The following TPD52 variants were observed in gnomAD, a reference collection of about 807,000 sequenced individuals.
TPD52 encodes prostate and colon associated protein.
Under a neutral mutation model 31.3 loss-of-function variants are expected in TPD52, and 17 were observed. That is an observed-to-expected ratio of 0.54 (90% CI 0.37 to 0.82). The LOEUF (loss-of-function observed/expected upper bound fraction) is 0.82. TPD52 is among the 40% of genes least tolerant of loss of function. The pLI, the probability that TPD52 is intolerant of heterozygous loss-of-function variation, is 0.00. For synonymous variants in TPD52, 83 were observed against 89.6 expected, an observed-to-expected ratio of 0.93 and a Z score of 0.42; for missense variants, 212 against 240.1, an observed-to-expected ratio of 0.88 and a Z score of 0.77.
At chr8:80,094,147 G>T (rs774897717) in intron 1 of TPD52, among the ~76,000 whole-genome samples, 1 of 151,844 alleles carries the variant, frequency 6.6e-6, no homozygotes, top group Non-Finnish European at 1.5e-5. Context: ...GTGTTAAAAG[G>T]ATAAGATAAT....
intron 1 of TPD52, among the ~76,000 whole-genome samples, chr8:80,101,710 C>G (rs1181015576): frequency 6.6e-6 from 1 of 152,052 alleles, no homozygotes; most frequent in African/African-American, 2.4e-5. Context: ...GGACCAGGTT[C>G]TTTGAAACAG....
Position 80,037,091 on chromosome 8 carries a change from T to G in TPD52, c.*1025A>C, listed in dbSNP as rs1162429806. 1.3e-5 allele frequency: 2 copies of G among 152,614 alleles called. No homozygotes were observed. Among genetic ancestry groups the G allele is most frequent in the Admixed American group, 1.3e-4 (2 of 15,274 alleles). 9.5% of individuals were successfully genotyped at this position (152,614 alleles called of 1,614,324 possible). ...TAGAAAATGATGAGTTGATTTTTAT[T>G]AATGCATTACATCCTCAAGAGTTAT... On this transcript the variant is annotated 3_prime_UTR_variant, in exon 8 of 8. Transcript: ENST00000518937.
Position 80,171,504 on chromosome 8 carries a change from G to C in TPD52, c.-61C>G, listed in dbSNP as rs901122068. On this transcript the variant is annotated 5_prime_UTR_variant, in exon 1 of 8. Transcript: ENST00000518937. Reference sequence around the variant, plus strand: ...CCCCGCCTGCAGCCCGTCCCGGCTCGGATCGCCCGCCGCGCCGCGCAGAGC... The same window carrying C: ...CCCCGCCTGCAGCCCGTCCCGGCTCCGATCGCCCGCCGCGCCGCGCAGAGC... 14 of 1,514,990 alleles carry C rather than the reference G, an allele frequency of 9.2e-6. No homozygotes were observed. The highest frequency in any genetic ancestry group is 1.2e-5 in the Non-Finnish European group (14 of 1,144,974). The allele number at this position is 1,514,990 out of a possible 1,614,324, so 93.8% of individuals were successfully genotyped here.
At chr8:80,080,009 T>G (rs1815059024) in intron 1 of TPD52, among the ~76,000 whole-genome samples, 2 of 152,310 alleles carry the variant, frequency 1.3e-5, no homozygotes, top group South Asian at 4.1e-4. Context: ...GACTTCAGAT[T>G]CCTCCTTTTT....
intron 1 of TPD52, among the ~76,000 whole-genome samples, chr8:80,123,776 G>A (rs1339568884): frequency 6.6e-6 from 1 of 152,200 alleles, no homozygotes; most frequent in Non-Finnish European, 1.5e-5. Context: ...TGTCATAAAG[G>A]ATGGACCAAG....
intron 3 of TPD52, chr8:80,053,070 G>T: frequency 2.2e-6 from 1 of 445,314 alleles, no homozygotes; most frequent in Non-Finnish European, 3.9e-6. Context: ...CAACTGGCTA[G>T]CTTTCTTTCT....
chr8:80,112,668 T>G (rs1274762096), intron 1 of TPD52, among the ~76,000 whole-genome samples: 1 of 152,174 alleles, frequency 6.6e-6, no homozygotes, highest in Non-Finnish European at 1.5e-5. Context: ...GGAAAAAAAT[T>G]TCACTTCCAA....
intron 1 of TPD52, among the ~76,000 whole-genome samples, chr8:80,112,313 A>T (rs1586322059): frequency 6.6e-6 from 1 of 152,198 alleles, no homozygotes; most frequent in African/African-American, 2.4e-5. Flanking sequence ...GGCGAAACTG[A>T]GGCACAGAAA....
At chr8:80,145,837 C>T (rs1475734446) in intron 1 of TPD52, among the ~76,000 whole-genome samples, 1 of 152,038 alleles carries the variant, frequency 6.6e-6, no homozygotes. Flanking sequence ...AAAAGTAATG[C>T]CCTTTATTCT....
intron 1 of TPD52, among the ~76,000 whole-genome samples, chr8:80,087,508 C>A (rs939507745): frequency 1.3e-5 from 2 of 152,182 alleles, no homozygotes; most frequent in African/African-American, 2.4e-5. Flanking sequence ...AAACAAAAAA[C>A]AAGAACTCCT....
At chr8:80,115,776 G>A (rs968200515) in intron 1 of TPD52, among the ~76,000 whole-genome samples, 1 of 152,170 alleles carries the variant, frequency 6.6e-6, no homozygotes, top group Non-Finnish European at 1.5e-5. Flanking sequence ...GTGATACATG[G>A]CAGTGATACC....
At chr8:80,160,679 GT>G (rs1811284448) in intron 1 of TPD52, among the ~76,000 whole-genome samples, 1 of 151,972 alleles carries the variant, frequency 6.6e-6, no homozygotes, top group Non-Finnish European at 1.5e-5. Flanking sequence ...TCTGAAATGT[GT>G]TTTTTAAAAA....
chr8:80,060,023 G>T (rs1812343494), intron 2 of TPD52, among the ~76,000 whole-genome samples: 1 of 151,038 alleles, frequency 6.6e-6, no homozygotes, highest in Non-Finnish European at 1.5e-5. Flanking sequence ...AGAGGCTGCA[G>T]TGTGCCAAGA....
intron 2 of TPD52, among the ~76,000 whole-genome samples, chr8:80,059,957 T>TG (rs1812333828): frequency 6.6e-6 from 1 of 151,888 alleles, no homozygotes; most frequent in Non-Finnish European, 1.5e-5. Context: ...GGTGCACGCC[T>TG]GTAGTCCCAG....
chr8:80,035,902 A>AAAT lies in TPD52; in HGVS notation c.*2211_*2213dup, dbSNP rs1809872780. On this transcript the variant is annotated 3_prime_UTR_variant, in exon 8 of 8. Coordinates refer to ENST00000518937, the MANE Select transcript of TPD52 (RefSeq NM_001025253.3). The stretch of plus-strand genomic sequence containing the variant: ...CTAATTACTATGTTTCTCATTCTTT[A>AAAT]AATATCTGTGAATTCATAATATTGA... 1 of 152,236 alleles carries AAAT rather than the reference A, an allele frequency of 6.6e-6. No individual in the cohort carries two copies. Among genetic ancestry groups the AAAT allele is most frequent in the South Asian group, 2.1e-4 (1 of 4,836 alleles). 9.4% of individuals were successfully genotyped at this position (152,236 alleles called of 1,614,324 possible).
intron 1 of TPD52, among the ~76,000 whole-genome samples, chr8:80,134,928 A>AT (rs1286255740): frequency 6.6e-6 from 1 of 152,212 alleles, no homozygotes; most frequent in Non-Finnish European, 1.5e-5. Flanking sequence ...ACAGCGATAG[A>AT]TAACTAATGC....
chr8:80,085,454 A>G (rs936425751), intron 1 of TPD52, among the ~76,000 whole-genome samples: 2 of 152,230 alleles, frequency 1.3e-5, no homozygotes, highest in South Asian at 2.1e-4. Context: ...ATGAAACACA[A>G]TATTTACTTG....
chr8:80,165,002 A>G (rs1811624075), intron 1 of TPD52, among the ~76,000 whole-genome samples: 1 of 151,922 alleles, frequency 6.6e-6, no homozygotes, highest in Admixed American at 6.6e-5. Flanking sequence ...TAGAAAAAAA[A>G]TTAACAACTC....
At chr8:80,042,145 C>T (rs192575370) in intron 7 of TPD52, 1 of 972,738 alleles carries the variant, frequency 1.0e-6, no homozygotes, top group Admixed American at 6.2e-5. Context: ...AAAGAGAATA[C>T]TTACTGATAC....
Sources: gnomAD v4.1 joint callset for allele counts (sites outside exome capture counted in the v4.1 genomes callset) on GRCh38, gnomAD v4.1.1 for gene constraint, MANE v1.5 for transcripts, NCBI Gene and HGNC (gene_info 2026-07-23, HGNC 2026-07-21) for gene names.